The following PPP4R3B variants were observed in gnomAD, a reference collection of about 807,000 sequenced individuals.
PPP4R3B encodes protein phosphatase 4 regulatory subunit 3B.
PPP4R3B carries 52 observed loss-of-function variants against 95.4 expected under a neutral mutation model. The ratio of observed to expected loss-of-function variants is 0.54; its 90% confidence interval spans 0.44 to 0.69. The LOEUF is 0.69. PPP4R3B is among the 30% of genes least tolerant of loss of function. The pLI, the probability that PPP4R3B is intolerant of heterozygous loss-of-function variation, is 0.00. For missense variants in PPP4R3B, 1,003 were observed against 1,005.9 expected (o/e 1.00, Z 0.04); for synonymous variants, 407 against 343.9 (o/e 1.18, Z -2.03).
intron 7 of PPP4R3B, among the ~76,000 whole-genome samples, chr2:55,584,075 CACAGAGGTT>C (rs1248599249): frequency 6.6e-6 from 1 of 151,888 alleles, no homozygotes; most frequent in African/African-American, 2.4e-5. Context: ...CGTGGTGGCG[CACAGAGGTT>C]ACAGTGAGCC....
At chr2:55,590,241 C>T (rs903170569) in intron 4 of PPP4R3B, among the ~76,000 whole-genome samples, 4 of 150,666 alleles carry the variant, frequency 2.7e-5, no homozygotes, top group Non-Finnish European at 4.4e-5. Context: ...GCAGGAGAAT[C>T]GCTTGAACCT....
At chr2:55,594,419 T>A (rs1691480940) in intron 4 of PPP4R3B, among the ~76,000 whole-genome samples, 1 of 152,108 alleles carries the variant, frequency 6.6e-6, no homozygotes, top group East Asian at 1.9e-4. Context: ...GAAATGCATC[T>A]CATGAAGCAG....
chr2:55,591,860 AAT>A (rs1473764738), intron 4 of PPP4R3B, among the ~76,000 whole-genome samples: 1 of 152,222 alleles, frequency 6.6e-6, no homozygotes, highest in Non-Finnish European at 1.5e-5. Context: ...GCAAATAATC[AAT>A]AACTTAAAGC....
Position 55,613,035 on chromosome 2 carries a change from C to G in PPP4R3B, c.198+2416G>C, listed in dbSNP as rs561897676. Among the ~76,000 whole-genome samples the G allele has an allele frequency of 5.9e-5, 9 of 152,132 alleles. No individual in the cohort carries two copies. In the East Asian group the frequency reaches 1.7e-3, roughly 29 times the overall value. ...CTGAAATTGGAGGATCGCTTGAGCCCAGGAGGTTGAGGCTGCAGTGAGCTG... is the reference window on the plus strand; with the variant it reads ...CTGAAATTGGAGGATCGCTTGAGCCGAGGAGGTTGAGGCTGCAGTGAGCTG... On this transcript the variant is annotated intron_variant, in intron 2 of 16. Transcript: ENST00000616407.
In PPP4R3B at chr2:55,617,430, G is replaced by A. The variant is rs1695122304; in HGVS notation, c.-145C>T. The A allele has an allele frequency of 5.1e-6, 5 of 986,882 alleles. No individual in the cohort carries two copies. Among genetic ancestry groups the A allele is most frequent in the African/African-American group, 1.7e-5 (1 of 60,548 alleles). The allele number at this position is 986,882 out of a possible 1,614,324, so 61.1% of individuals were successfully genotyped here. ...GCCCGAATTCACCATGGCTCCAAAG[G>A]TTCAGCCGCGAGAAGGGGTGACAAG... is the stretch of plus-strand genomic sequence containing the variant. On this transcript the variant is annotated 5_prime_UTR_variant, in exon 1 of 17. Transcript: ENST00000616407.
chr2:55,569,451 C>T (rs13428486), intron 12 of PPP4R3B, among the ~76,000 whole-genome samples: 20,830 of 152,182 alleles, frequency 0.14, 2,897 homozygotes, highest in African/African-American at 0.36. Context: ...TCAGGGGTCA[C>T]GCTCCTAGTC....
Position 55,607,221 on chromosome 2 carries a change from TAATC to T in PPP4R3B, c.199-3149_199-3146del, listed in dbSNP as rs1693542896. 2.0e-5 allele frequency among the ~76,000 whole-genome samples: 3 copies of T among 152,292 alleles called. No individual in the cohort carries two copies. The South Asian group carries it at 6.2e-4, about 32-fold the overall frequency. On this transcript the variant is annotated intron_variant, in intron 2 of 16. Coordinates refer to ENST00000616407, the MANE Select transcript of PPP4R3B (RefSeq NM_001122964.3). ...AAGTGTGAGGATTTCTCCCCACCAA[TAATC>T]AATCAGTTCCATATTAGACACCAGG...
At chr2:55,593,638 G>C (rs1005897153) in intron 4 of PPP4R3B, among the ~76,000 whole-genome samples, 2 of 152,170 alleles carry the variant, frequency 1.3e-5, no homozygotes, top group African/African-American at 4.8e-5. Context: ...AGGTGTGGTG[G>C]TTCACATCTG....
chr2:55,604,075 T>G lies in PPP4R3B; in HGVS notation c.200A>C (p.Asp67Ala). The G allele has an allele frequency of 6.3e-7, 1 of 1,596,690 alleles. No homozygotes were observed. The highest frequency in any genetic ancestry group is 8.5e-7 in the Non-Finnish European group (1 of 1,173,154). Residue 67 changes from aspartate to alanine, a missense_variant and splice_region_variant, in exon 3 of 17, where the codon GAT (aspartate) becomes GCT (alanine). Physicochemically the swap from Asp to Ala is moderately radical, Grantham distance 126 (BLOSUM62 -2). Coordinates refer to ENST00000616407, the MANE Select transcript of PPP4R3B (RefSeq NM_001122964.3). ...NPNTAYQKQQ[D>A]TLIVWSEAEN... ...TGCTTCTGACCAAACAATTAATGTA[T>G]CCTGTTTAAAAATAAATATTTCCAT...
intron 14 of PPP4R3B, 142 bp from the exon 15 acceptor site, chr2:55,564,639 T>C (rs1687055059): frequency 8.8e-6 from 7 of 798,884 alleles, no homozygotes; most frequent in South Asian, 2.0e-5. Flanking sequence ...TCTGTAATGA[T>C]AGAAGATGTA....
chr2:55,617,409 G>A lies in PPP4R3B; in HGVS notation c.-124C>T. The stretch of plus-strand genomic sequence containing the variant: ...GGCGGCGGCGGCTTCGGAGAGGCCC[G>A]AATTCACCATGGCTCCAAAGGTTCA... On this transcript the variant is annotated 5_prime_UTR_variant, in exon 1 of 17. Transcript: ENST00000616407. 1.7e-6 allele frequency: 2 copies of A among 1,157,190 alleles called. No homozygotes were observed. Among genetic ancestry groups the A allele is most frequent in the Non-Finnish European group, 2.3e-6 (2 of 868,360 alleles). 71.7% of individuals were successfully genotyped at this position (1,157,190 alleles called of 1,614,324 possible). A position where few individuals can be genotyped will look rare whatever the true frequency, so the allele number is the denominator to read the frequency against.
At chr2:55,576,204 T>C (rs1021795150) in intron 11 of PPP4R3B, among the ~76,000 whole-genome samples, 2 of 151,694 alleles carry the variant, frequency 1.3e-5, no homozygotes, top group Non-Finnish European at 2.9e-5. Flanking sequence ...AAAAAATTAG[T>C]TGGGCGTGGT....
chr2:55,608,952 G>A (rs1283414368), intron 2 of PPP4R3B, among the ~76,000 whole-genome samples: 1 of 152,058 alleles, frequency 6.6e-6, no homozygotes, highest in African/African-American at 2.4e-5. Context: ...CGTGCTTTTG[G>A]CTGGGAGACA....
chr2:55,596,799 C>T (rs144058201), intron 4 of PPP4R3B, among the ~76,000 whole-genome samples: 1 of 151,978 alleles, frequency 6.6e-6, no homozygotes, highest in Non-Finnish European at 1.5e-5. Flanking sequence ...CCTGTTTCTA[C>T]TAAAAATACA....
chr2:55,557,330 A>G (rs1281072962), intron 16 of PPP4R3B, among the ~76,000 whole-genome samples: 2 of 152,134 alleles, frequency 1.3e-5, no homozygotes, highest in Non-Finnish European at 2.9e-5. Context: ...AGCTGGGACC[A>G]CAGGTGTGTG....
Position 55,565,051 on chromosome 2 carries a change from C to T in PPP4R3B, c.1936-10G>A. ...GAGACTTGATATCTTCCTGTATAAG[C>T]ACAAAATTTACATTTAAAATATAAT... On this transcript the variant is annotated splice_polypyrimidine_tract_variant and intron_variant, in intron 13 of 16. Transcript: ENST00000616407. The T allele has an allele frequency of 6.5e-7, 1 of 1,544,544 alleles. No individual in the cohort carries two copies. Among genetic ancestry groups the T allele is most frequent in the Non-Finnish European group, 8.7e-7 (1 of 1,149,126 alleles).
Position 55,585,262 on chromosome 2 carries a change from C to G in PPP4R3B, c.1117-95G>C, listed in dbSNP as rs531678372. 61 of 804,882 alleles carry G rather than the reference C, an allele frequency of 7.6e-5. 1 individual carries two copies. The South Asian group carries it at 1.2e-3, about 15-fold the overall frequency. 49.9% of individuals were successfully genotyped at this position (804,882 alleles called of 1,614,324 possible). A position where few individuals can be genotyped will look rare whatever the true frequency, so the allele number is the denominator to read the frequency against. The stretch of plus-strand genomic sequence containing the variant: ...TCCAAATCCATACACTAGCTCTCAA[C>G]TTTTTGGATTAAGATGTTTTACTGC... On this transcript the variant is annotated intron_variant, in intron 6 of 16. Coordinates refer to ENST00000616407, the MANE Select transcript of PPP4R3B (RefSeq NM_001122964.3).
intron 12 of PPP4R3B, among the ~76,000 whole-genome samples, chr2:55,570,284 C>T (rs548790618): frequency 4.6e-5 from 7 of 152,216 alleles, no homozygotes; most frequent in South Asian, 2.1e-4. Context: ...ATCCTATCTC[C>T]GTATTATAAT....
In PPP4R3B at chr2:55,617,353, A is replaced by T; in HGVS notation, c.-68T>A. On this transcript the variant is annotated 5_prime_UTR_variant, in exon 1 of 17. The change abolishes the stop of an existing upstream ORF in the 5' untranslated region. Transcript: ENST00000616407. ...TACCTCGTCCGCGCTCCTCACTCTT[A>T]GGAGACGGTAAAGGCAGTAGTGGCG... 1 of 1,458,952 alleles carries T rather than the reference A, an allele frequency of 6.9e-7. No homozygotes were observed. Among genetic ancestry groups the T allele is most frequent in the Non-Finnish European group, 9.1e-7 (1 of 1,099,444 alleles). 90.4% of individuals were successfully genotyped at this position (1,458,952 alleles called of 1,614,324 possible).
Sources: allele counts gnomAD v4.1 joint callset (sites outside exome capture counted in the v4.1 genomes callset), GRCh38; gene constraint gnomAD v4.1.1; transcripts MANE v1.5; gene names NCBI Gene and HGNC (gene_info 2026-07-23, HGNC 2026-07-21).